Variants in ABCC1 observed in about 807,000 individuals in gnomAD.
The protein encoded by ABCC1 is multidrug resistance-associated protein 1.
ABCC1 carries 83 observed loss-of-function variants against 172.9 expected under a neutral mutation model. The ratio of observed to expected loss-of-function variants is 0.48; its 90% CI spans 0.40 to 0.58. The LOEUF (loss-of-function observed/expected upper bound fraction) is 0.58, where lower values mean the gene tolerates loss of function less well. Among genes scored for constraint, ABCC1 ranks in the 20% least tolerant of loss-of-function variants. ABCC1 has a pLI of 0.00. For missense variants in ABCC1, 1,817 were observed against 2,002.7 expected, an observed-to-expected ratio of 0.91 and a Z score of 1.77; for synonymous variants, 937 against 825.2, an observed-to-expected ratio of 1.14 and a Z score of -2.32.
intron 12 of ABCC1, among the ~76,000 whole-genome samples, chr16:16,057,488 T>C (rs2049713352): frequency 6.6e-6 from 1 of 151,786 alleles, no homozygotes; most frequent in African/African-American, 2.4e-5. Context: ...ATCCTCAGTA[T>C]ATAAAACAGT....
At chr16:16,041,645 C>T (rs2048981679) in intron 7 of ABCC1, among the ~76,000 whole-genome samples, 1 of 152,146 alleles carries the variant, frequency 6.6e-6, no homozygotes, top group South Asian at 2.1e-4. Context: ...CACTCAGATC[C>T]CTTTTGTTAA....
intron 28 of ABCC1, 119 bp downstream of exon 28, chr16:16,134,627 T>G (rs1224239124): frequency 1.0e-3 from 21 of 20,150 alleles, no homozygotes; most frequent in African/African-American, 5.2e-3. Context: ...TCATCGTTCT[T>G]TTTTTTTTTT....
Position 16,068,224 on chromosome 16 carries a change from C to T in ABCC1, c.1746C>T (p.Ala582=), listed in dbSNP as rs752336510. 12 of 1,614,180 alleles carry T rather than the reference C, an allele frequency of 7.4e-6. No homozygotes were observed. The highest frequency in any genetic ancestry group is 1.6e-4 in the Middle Eastern group (1 of 6,062). ...DENNILDAQT[A]FVSLALFNIL... ...ACAACATCCTGGATGCCCAGACAGCCTTCGTGTCTTTGGCCTTGTTCAACA... is the reference window on the plus strand; with the variant it reads ...ACAACATCCTGGATGCCCAGACAGCTTTCGTGTCTTTGGCCTTGTTCAACA... Residue 582 remains alanine (A), a synonymous_variant, in exon 13 of 31, where the codon GCC becomes GCT. Transcript: ENST00000399410.
intron 10 of ABCC1, among the ~76,000 whole-genome samples, chr16:16,049,931 T>C (rs2049358919): frequency 6.6e-6 from 1 of 152,058 alleles, no homozygotes; most frequent in Admixed American, 6.6e-5. Context: ...TGGCCTCAGG[T>C]GATCTACCCT....
intron 7 of ABCC1, among the ~76,000 whole-genome samples, chr16:16,043,153 GC>G (rs1395509472): frequency 6.7e-6 from 1 of 148,708 alleles, no homozygotes; most frequent in East Asian, 2.0e-4. Flanking sequence ...ATGAACCACT[GC>G]ACCCAGTCAA....
Position 16,008,946 on chromosome 16 carries a change from G to T in ABCC1, c.226-830G>T, listed in dbSNP as rs755736388. Among the ~76,000 whole-genome samples the T allele has an allele frequency of 5.1e-3, 468 of 91,884 alleles. 2 individuals carry two copies. Among genetic ancestry groups the T allele is most frequent in the African/African-American group, 0.015 (368 of 23,752 alleles). The allele number at this position is 91,884 out of a possible 152,430, so 60.3% of individuals were successfully genotyped here. A position where few individuals can be genotyped will look rare whatever the true frequency, so the allele number is the denominator to read the frequency against. On this transcript the variant is annotated intron_variant, in intron 2 of 30. Transcript: ENST00000399410. Reference sequence around the variant, plus strand: ...ACTGTTTCCTGTTTTTTTTTTTTTTGTTGTTGTTTTTTGTTTTTTTTTGAC... The same window carrying T: ...ACTGTTTCCTGTTTTTTTTTTTTTTTTTGTTGTTTTTTGTTTTTTTTTGAC...
chr16:16,042,418 A>G (rs1176057204), intron 7 of ABCC1, among the ~76,000 whole-genome samples: 1 of 152,018 alleles, frequency 6.6e-6, no homozygotes, highest in African/African-American at 2.4e-5. Context: ...AGAACGAACT[A>G]TTGGCCGGGC....
rs2045357693 is a variant in ABCC1, at chr16:16,124,690, G to C, written c.3591-99G>C. 5 of 1,542,024 alleles carry C rather than the reference G, an allele frequency of 3.2e-6. No individual in the cohort carries two copies. The Admixed American group carries it at 8.6e-5, about 27-fold the overall frequency. ...CTCTGGAATTACTGCGGAGTTACTT[G>C]AGTTAGCAAAGAATCCCCTTCCTCC... On this transcript the variant is annotated intron_variant, in intron 24 of 30. Coordinates refer to ENST00000399410, the MANE Select transcript of ABCC1 (RefSeq NM_004996.4).
chr16:16,056,759 A>G (rs2049673112), intron 12 of ABCC1, among the ~76,000 whole-genome samples: 1 of 152,198 alleles, frequency 6.6e-6, no homozygotes, highest in Non-Finnish European at 1.5e-5. Flanking sequence ...CCTTTGTTTT[A>G]TTCACACTTA....
chr16:16,004,575 C>T (rs564449709), intron 1 of ABCC1, among the ~76,000 whole-genome samples: 14 of 152,050 alleles, frequency 9.2e-5, no homozygotes, highest in East Asian at 3.9e-4. Context: ...GCCAAAAAGA[C>T]GTGAACTTTG....
intron 1 of ABCC1, among the ~76,000 whole-genome samples, chr16:16,002,759 G>A (rs7195265): frequency 6.7e-6 from 1 of 148,174 alleles, no homozygotes; most frequent in Non-Finnish European, 1.5e-5. Flanking sequence ...GCAACAGAGT[G>A]AGACCTTGTC....
chr16:15,999,220 T>G (rs2047161592), intron 1 of ABCC1, among the ~76,000 whole-genome samples: 2 of 152,078 alleles, frequency 1.3e-5, no homozygotes, highest in South Asian at 4.1e-4. Flanking sequence ...TTAGCCAGGA[T>G]GGTCTCCATC....
At chr16:16,069,746 A>G (rs953972612) in intron 13 of ABCC1, among the ~76,000 whole-genome samples, 2 of 152,062 alleles carry the variant, frequency 1.3e-5, no homozygotes, top group Non-Finnish European at 2.9e-5. Flanking sequence ...AAAAAAAGCC[A>G]AGCATGATGG....
intron 16 of ABCC1, 107 bp from the exon 17 acceptor site, chr16:16,083,259 T>C (rs1237341423): frequency 1.8e-6 from 2 of 1,109,006 alleles, no homozygotes; most frequent in African/African-American, 3.1e-5. Flanking sequence ...GTGATGAAAA[T>C]GACTTGTGAA....
At chr16:16,083,590 C>G in intron 17 of ABCC1, 48 bp downstream of exon 17, 1 of 1,583,610 alleles carries the variant, frequency 6.3e-7, no homozygotes, top group Non-Finnish European at 8.6e-7. Context: ...GCTGTTGCCG[C>G]GTAACAAATG....
intron 1 of ABCC1, among the ~76,000 whole-genome samples, chr16:15,996,139 C>G (rs1219487128): frequency 6.6e-6 from 1 of 151,986 alleles, no homozygotes; most frequent in Non-Finnish European, 1.5e-5. Context: ...CGCACGCCAC[C>G]ATGCCCGGCT....
intron 19 of ABCC1, among the ~76,000 whole-genome samples, chr16:16,093,318 C>T (rs4148358): frequency 0.24 from 36,591 of 151,866 alleles, 4,432 homozygotes; most frequent in Middle Eastern, 0.36. Flanking sequence ...TGTCTCTCTA[C>T]CCTTCCGTCC....
In ABCC1 at chr16:16,070,996, G is replaced by A. The variant is rs1195308912; in HGVS notation, c.1825-646G>A. On this transcript the variant is annotated intron_variant, in intron 13 of 30. Transcript: ENST00000399410. ...TCAGAAATGCCTGTCCCATTGGGCT[G>A]TTTGAATTGGCTCTGTTGCATTTGC... 2.0e-5 allele frequency among the ~76,000 whole-genome samples: 3 copies of A among 152,308 alleles called. No homozygotes were observed. In the East Asian group the frequency reaches 5.8e-4, roughly 29 times the overall value.
At chr16:16,057,028 G>T (rs2049686061) in intron 12 of ABCC1, among the ~76,000 whole-genome samples, 1 of 151,956 alleles carries the variant, frequency 6.6e-6, no homozygotes, top group African/African-American at 2.4e-5. Context: ...AAGTGGCATG[G>T]TCTAAACACA....
Sources: allele counts gnomAD v4.1 joint callset (sites outside exome capture counted in the v4.1 genomes callset), GRCh38; gene constraint gnomAD v4.1.1; transcripts MANE v1.5; gene names NCBI Gene and HGNC (gene_info 2026-07-23, HGNC 2026-07-21).